The following ANO4 variants were observed in gnomAD, a reference collection of about 807,000 sequenced individuals.
The protein encoded by ANO4 is anoctamin 4, also known as anoctamin-4.
ANO4 carries 69 observed loss-of-function variants against 141.9 expected under a neutral mutation model. The ratio of observed to expected loss-of-function variants is 0.49; its 90% CI spans 0.40 to 0.59. The LOEUF is 0.59. Among genes scored for constraint, ANO4 ranks in the 20% least tolerant of loss-of-function variants. ANO4 has a pLI of 0.00. For synonymous variants in ANO4, 350 were observed against 394.3 expected (o/e 0.89, Z 1.33); for missense variants, 894 against 1,162.2 (o/e 0.77, Z 3.36).
At chr12:101,122,315 A>C (rs1025311620) in intron 26 of ANO4, among the ~76,000 whole-genome samples, 1 of 152,256 alleles carries the variant, frequency 6.6e-6, no homozygotes, top group East Asian at 1.9e-4. Context: ...ATAGTTTGCA[A>C]ATATTTTCTC....
chr12:100,934,462 G>C (rs1187767913), intron 3 of ANO4, among the ~76,000 whole-genome samples: 1 of 151,966 alleles, frequency 6.6e-6, no homozygotes, highest in Non-Finnish European at 1.5e-5. Flanking sequence ...TCTATATTTT[G>C]GTTTTGGTAC....
At chr12:100,997,690 A>G (rs1232468798) in intron 8 of ANO4, among the ~76,000 whole-genome samples, 1 of 152,088 alleles carries the variant, frequency 6.6e-6, no homozygotes, top group Non-Finnish European at 1.5e-5. Context: ...AAAGGGGCCA[A>G]GCGGAAGGGA....
intron 10 of ANO4, 64 bp downstream of exon 10, chr12:101,037,214 A>T: frequency 6.6e-7 from 1 of 1,519,138 alleles, no homozygotes; most frequent in Admixed American, 1.8e-5. Flanking sequence ...CAGCTTCTAG[A>T]GATAGTCAAT....
intron 1 of ANO4, among the ~76,000 whole-genome samples, chr12:100,868,866 C>A (rs1334966727): frequency 6.6e-6 from 1 of 152,210 alleles, no homozygotes; most frequent in South Asian, 2.1e-4. Flanking sequence ...GGTATTCTTG[C>A]CAAAGGCTGA....
rs1282454716 is a variant in ANO4 at position 101,127,011 on chromosome 12, C to T, written c.2809C>T (p.Gln937Ter). 6.2e-7 allele frequency: 1 copy of T among 1,614,096 alleles called. No homozygotes were observed. The highest frequency in any genetic ancestry group is 1.7e-5 in the Admixed American group (1 of 60,002). ...MMYEAELERL[Q>*]KERKERKKNG... ...GTATGAAGCAGAACTGGAACGTCTC[C>T]AGAAGGAACGAAAGGAGAGGAAGAA... The change falls in exon 27 of 28, where the codon CAG becomes TAG. Residue 937 changes from glutamine (Q) to a stop codon, truncating the protein, a stop_gained. Coordinates refer to ENST00000392977, the MANE Select transcript of ANO4 (RefSeq NM_001286615.2). LOFTEE classifies it high-confidence loss of function.
chr12:101,120,541 G>A lies in ANO4; in HGVS notation c.2592G>A (p.Pro864=), dbSNP rs17031025. ...ATAGATACCGGGACTACCGTGACCCGCCTCATTCACTGGTGCCCTATGGCT... is the reference window on the plus strand; with the variant it reads ...ATAGATACCGGGACTACCGTGACCCACCTCATTCACTGGTGCCCTATGGCT... ...KYCRYRDYRD[P]PHSLVPYGYT... Residue 864 remains proline (P), a synonymous_variant, in exon 26 of 28, where the codon CCG becomes CCA. Transcript: ENST00000392977. The A allele has an allele frequency of 1.9e-3, 3,017 of 1,613,928 alleles. 98 individuals carry two copies. The East Asian group carries it at 0.062, about 33-fold the overall frequency.
intron 1 of ANO4, among the ~76,000 whole-genome samples, chr12:100,728,060 T>A (rs1434159997): frequency 6.6e-6 from 1 of 150,786 alleles, no homozygotes; most frequent in African/African-American, 2.4e-5. Context: ...TATTCTTTTT[T>A]TAAACCCTCC....
intron 7 of ANO4, chr12:100,987,037 G>C (rs1392034437): frequency 1.3e-5 from 2 of 155,298 alleles, no homozygotes; most frequent in Non-Finnish European, 2.9e-5. Flanking sequence ...GGGGAGGTGG[G>C]AGAGGCAGGA....
chr12:100,816,202 C>T (rs1019529333), intron 1 of ANO4, among the ~76,000 whole-genome samples: 3 of 151,856 alleles, frequency 2.0e-5, no homozygotes, highest in African/African-American at 7.3e-5. Flanking sequence ...AATCTCTGTC[C>T]TTATGGAGTC....
intron 5 of ANO4, among the ~76,000 whole-genome samples, chr12:100,963,133 T>G (rs1233381051): frequency 1.3e-5 from 2 of 152,164 alleles, no homozygotes; most frequent in East Asian, 1.9e-4. Flanking sequence ...GATCTGCCAG[T>G]GAGACACCAG....
At chr12:101,119,471 A>T (rs956942630) in intron 25 of ANO4, among the ~76,000 whole-genome samples, 6 of 152,120 alleles carry the variant, frequency 3.9e-5, no homozygotes, top group African/African-American at 1.4e-4. Context: ...AAGAAAAGAA[A>T]ATATAGGAAT....
intron 3 of ANO4, among the ~76,000 whole-genome samples, chr12:100,925,221 A>T (rs1477343582): frequency 6.6e-6 from 1 of 152,090 alleles, no homozygotes; most frequent in Non-Finnish European, 1.5e-5. Flanking sequence ...TAGCCAGTTC[A>T]TGGAAATCTC....
chr12:100,939,513 G>A, intron 4 of ANO4, 62 bp downstream of exon 4: 1 of 1,574,348 alleles, frequency 6.4e-7, no homozygotes, highest in Non-Finnish European at 8.7e-7. Flanking sequence ...TGTGAAGCAT[G>A]TTCCAATGGA....
intron 2 of ANO4, among the ~76,000 whole-genome samples, chr12:100,735,468 A>AG (rs1300812595): frequency 6.6e-6 from 1 of 152,134 alleles, no homozygotes; most frequent in Non-Finnish European, 1.5e-5. Flanking sequence ...GGTTCACAGT[A>AG]GGGGGGTGAC....
intron 2 of ANO4, among the ~76,000 whole-genome samples, chr12:100,908,213 G>A (rs1235500099): frequency 1.3e-5 from 2 of 152,286 alleles, no homozygotes; most frequent in East Asian, 3.9e-4. Flanking sequence ...GCCGGACGTG[G>A]TGGTGCATGC....
At chr12:100,933,210 G>C (rs566114224) in intron 3 of ANO4, among the ~76,000 whole-genome samples, 14 of 151,560 alleles carry the variant, frequency 9.2e-5, no homozygotes, top group Non-Finnish European at 4.4e-5. Context: ...ATGTTGGTTT[G>C]TTGCACCCAT....
rs1251982052 is a variant in ANO4 at position 101,043,521 on chromosome 12, T to C, written c.1155-18T>C. ...TTCCATGTCATCAAAAAGCAGTCCT[T>C]TCTGTTCTCTTTTCCAGTAAAGAAG... On this transcript the variant is annotated intron_variant, in intron 12 of 27. Coordinates refer to ENST00000392977, the MANE Select transcript of ANO4 (RefSeq NM_001286615.2). 1.3e-6 allele frequency: 2 copies of C among 1,591,410 alleles called. No homozygotes were observed. The highest frequency in any genetic ancestry group is 1.7e-5 in the Admixed American group (1 of 59,872).
chr12:100,874,395 G>A (rs1380862916), intron 1 of ANO4, among the ~76,000 whole-genome samples: 1 of 152,262 alleles, frequency 6.6e-6, no homozygotes, highest in Non-Finnish European at 1.5e-5. Context: ...CATGGGAGCT[G>A]ATCCCTGTAT....
chr12:100,865,846 A>G (rs1565949724), intron 1 of ANO4, among the ~76,000 whole-genome samples: 1 of 152,166 alleles, frequency 6.6e-6, no homozygotes, highest in Non-Finnish European at 1.5e-5. Context: ...AGCTCTGTTT[A>G]TCTCCCCCAG....
Sources: gnomAD v4.1 joint callset for allele counts (sites outside exome capture counted in the v4.1 genomes callset) on GRCh38, gnomAD v4.1.1 for gene constraint, MANE v1.5 for transcripts, NCBI Gene and HGNC (gene_info 2026-07-23, HGNC 2026-07-21) for gene names.